The following KCTD16 variants were observed in gnomAD, a reference collection of about 807,000 sequenced individuals.
KCTD16 encodes potassium channel tetramerization domain containing 16.
KCTD16 carries 13 observed loss-of-function variants against 33.2 expected under a neutral mutation model. That is an observed-to-expected ratio of 0.39 (90% CI 0.25 to 0.62). KCTD16 has a LOEUF of 0.62. Among genes scored for constraint, KCTD16 ranks in the 20% least tolerant of loss-of-function variants. The pLI is 0.50. For synonymous variants in KCTD16, 197 were observed against 195.3 expected, an observed-to-expected ratio of 1.01 and a Z score of -0.07; for missense variants, 441 against 525.1, an observed-to-expected ratio of 0.84 and a Z score of 1.57.
chr5:144,224,831 T>G (rs781638659), intron 3 of KCTD16, among the ~76,000 whole-genome samples: 9 of 152,190 alleles, frequency 5.9e-5, no homozygotes, highest in Non-Finnish European at 1.0e-4. Flanking sequence ...CAAGTGTTCC[T>G]CATTTAATTC....
chr5:144,226,960 T>C (rs1229504970), intron 3 of KCTD16, among the ~76,000 whole-genome samples: 1 of 152,236 alleles, frequency 6.6e-6, no homozygotes, highest in Non-Finnish European at 1.5e-5. Flanking sequence ...TTATGCATTA[T>C]TAATTTATTT....
chr5:144,267,907 T>G (rs1203170476), intron 3 of KCTD16, among the ~76,000 whole-genome samples: 1 of 152,158 alleles, frequency 6.6e-6, no homozygotes, highest in Non-Finnish European at 1.5e-5. Context: ...ATTAGTTATT[T>G]AAAACTACAT....
Position 144,477,861 on chromosome 5 carries a change from T to G in KCTD16, c.*3747T>G, listed in dbSNP as rs1754628301. 2 of 152,184 alleles carry G rather than the reference T, an allele frequency of 1.3e-5. No homozygotes were observed. The highest frequency in any genetic ancestry group is 2.1e-4 in the South Asian group (1 of 4,824). 9.4% of individuals were successfully genotyped at this position (152,184 alleles called of 1,614,324 possible). On this transcript the variant is annotated 3_prime_UTR_variant, in exon 4 of 4. Transcript: ENST00000512467. Reference sequence around the variant, plus strand: ...TGCCATGGAATTTGACTAGCCTTGGTCTTCTAGATGATCTTTACTAGAATT... The same window carrying G: ...TGCCATGGAATTTGACTAGCCTTGGGCTTCTAGATGATCTTTACTAGAATT...
intron 3 of KCTD16, among the ~76,000 whole-genome samples, chr5:144,269,670 A>G (rs554786605): frequency 6.6e-6 from 1 of 152,262 alleles, no homozygotes; most frequent in South Asian, 2.1e-4. Flanking sequence ...ATACCTCAAT[A>G]AAGGTAAATA....
In KCTD16 at chr5:144,228,496, C is replaced by T. The variant is rs368586193; in HGVS notation, c.832+20950C>T. Among the ~76,000 whole-genome samples the T allele has an allele frequency of 1.4e-4, 21 of 152,116 alleles. No homozygotes were observed. The South Asian group carries it at 3.1e-3, about 23-fold the overall frequency. ...TCATTGGAATGTATTTCAGAGGAAT[C>T]GTAGCAGAGGAACTAGGAAAAGTGA... is the stretch of plus-strand genomic sequence containing the variant. On this transcript the variant is annotated intron_variant, in intron 3 of 3. Transcript: ENST00000512467.
intron 3 of KCTD16, among the ~76,000 whole-genome samples, chr5:144,259,241 G>C (rs1754936221): frequency 9.0e-6 from 1 of 111,184 alleles, no homozygotes; most frequent in African/African-American, 3.6e-5. Flanking sequence ...CTGGATGACA[G>C]AGCGAGACTC....
chr5:144,456,493 G>T (rs1212723818), intron 3 of KCTD16, among the ~76,000 whole-genome samples: 1 of 152,114 alleles, frequency 6.6e-6, no homozygotes, highest in Non-Finnish European at 1.5e-5. Context: ...AGGGGGGTCA[G>T]GGGTAGGGAG....
chr5:144,181,072 A>G (rs1002455997), intron 2 of KCTD16, among the ~76,000 whole-genome samples: 2 of 151,824 alleles, frequency 1.3e-5, no homozygotes, highest in African/African-American at 4.8e-5. Flanking sequence ...AGCTGGGACT[A>G]CAGGCGCCCA....
intron 2 of KCTD16, among the ~76,000 whole-genome samples, chr5:144,199,707 ATTTTTT>A (rs574670606): frequency 4.4e-5 from 3 of 67,736 alleles, no homozygotes; most frequent in African/African-American, 1.8e-4. Flanking sequence ...GAACAGCTTC[ATTTTTT>A]TTTTTTTTTT....
intron 3 of KCTD16, among the ~76,000 whole-genome samples, chr5:144,425,573 G>A (rs1315283694): frequency 6.6e-6 from 1 of 151,984 alleles, no homozygotes; most frequent in Non-Finnish European, 1.5e-5. Context: ...TCTAGGTGGA[G>A]GTAGACATAC....
At chr5:144,267,373 A>C (rs1180729594) in intron 3 of KCTD16, among the ~76,000 whole-genome samples, 1 of 152,206 alleles carries the variant, frequency 6.6e-6, no homozygotes, top group African/African-American at 2.4e-5. Flanking sequence ...AGTCAAAAAA[A>C]TGGAAGGCAC....
rs150143900 is a variant in KCTD16 at position 144,282,798 on chromosome 5, G to T, written c.832+75252G>T. Among the ~76,000 whole-genome samples, 149 of 152,246 alleles carry T rather than the reference G, an allele frequency of 9.8e-4. 4 individuals carry two copies. The East Asian group carries it at 0.026, about 26-fold the overall frequency. Reference sequence around the variant, plus strand: ...TTTATGACAGAGGAGCAAGAGAGAAGTAAGAAAGACTCTTCAAATCACAGG... The same window carrying T: ...TTTATGACAGAGGAGCAAGAGAGAATTAAGAAAGACTCTTCAAATCACAGG... On this transcript the variant is annotated intron_variant, in intron 3 of 3. Transcript: ENST00000512467.
At position 144,460,182 on chromosome 5, in the gene KCTD16, C is replaced by T. The variant is rs543419929; in HGVS notation, c.833-13478C>T. On this transcript the variant is annotated intron_variant, in intron 3 of 3. Coordinates refer to ENST00000512467, the MANE Select transcript of KCTD16 (RefSeq NM_020768.4). Reference sequence around the variant, plus strand: ...TTTTGATCATTCAAGCCATGCAAGTCCTCTTTCTTTTCCTTGCGTATGCCA... The same window carrying T: ...TTTTGATCATTCAAGCCATGCAAGTTCTCTTTCTTTTCCTTGCGTATGCCA... Among the ~76,000 whole-genome samples, 7 of 152,176 alleles carry T rather than the reference C, an allele frequency of 4.6e-5. No individual in the cohort carries two copies. In the South Asian group the frequency reaches 1.5e-3, roughly 32 times the overall value.
chr5:144,478,421 A>C lies in KCTD16; in HGVS notation c.*4307A>C, dbSNP rs572274422. 6.6e-6 allele frequency: 1 copy of C among 152,124 alleles called. No homozygotes were observed. The highest frequency in any genetic ancestry group is 2.4e-5 in the African/African-American group (1 of 41,530). The allele number at this position is 152,124 out of a possible 1,614,324, so 9.4% of individuals were successfully genotyped here. On this transcript the variant is annotated 3_prime_UTR_variant, in exon 4 of 4. Transcript: ENST00000512467. ...CAGAGCTTATTTGTTTGAAATGCCT[A>C]TTATTCTCATCTTGCTGTATACGTT...
chr5:144,173,224 C>G (rs1752432648), intron 1 of KCTD16, among the ~76,000 whole-genome samples: 1 of 152,164 alleles, frequency 6.6e-6, no homozygotes, highest in Non-Finnish European at 1.5e-5. Flanking sequence ...GACATGGAAG[C>G]AACTTAAATG....
intron 3 of KCTD16, among the ~76,000 whole-genome samples, chr5:144,426,804 TG>T (rs1753341131): frequency 6.6e-6 from 1 of 152,036 alleles, no homozygotes; most frequent in South Asian, 2.1e-4. Flanking sequence ...CCCACTCCTA[TG>T]GTAACTAACC....
chr5:144,437,306 C>G (rs758794076), intron 3 of KCTD16, among the ~76,000 whole-genome samples: 2 of 152,130 alleles, frequency 1.3e-5, no homozygotes, highest in African/African-American at 4.8e-5. Context: ...TCCCATTGGG[C>G]CTCTACAATG....
chr5:144,373,646 T>C (rs78094564), intron 3 of KCTD16, among the ~76,000 whole-genome samples: 9 of 152,306 alleles, frequency 5.9e-5, no homozygotes, highest in African/African-American at 2.2e-4. Context: ...GCTCAGCATA[T>C]AGGTCTGTTT....
At chr5:144,221,401 A>C (rs1426547998) in intron 3 of KCTD16, among the ~76,000 whole-genome samples, 1 of 152,040 alleles carries the variant, frequency 6.6e-6, no homozygotes, top group African/African-American at 2.4e-5. Context: ...ATTTCTCCTA[A>C]TGTTATGACT....
Sources: gnomAD v4.1 joint callset for allele counts (sites outside exome capture counted in the v4.1 genomes callset) on GRCh38, gnomAD v4.1.1 for gene constraint, MANE v1.5 for transcripts, NCBI Gene and HGNC (gene_info 2026-07-23, HGNC 2026-07-21) for gene names.